Variants in ZBTB40 observed in about 807,000 individuals in gnomAD.
ZBTB40 encodes zinc finger and BTB domain-containing protein 40.
In ZBTB40, 60 loss-of-function variants were observed where a neutral mutation model predicts 117.5. The ratio of observed to expected loss-of-function variants is 0.51; its 90% CI spans 0.41 to 0.63. The LOEUF (loss-of-function observed/expected upper bound fraction) is 0.63. Ranked by LOEUF, ZBTB40 falls within the 30% of genes least tolerant of loss-of-function variation. ZBTB40 has a pLI of 0.00. For synonymous variants in ZBTB40, 525 were observed against 577.1 expected, an observed-to-expected ratio of 0.91 and a Z score of 1.29; for missense variants, 1,287 against 1,498.5, an observed-to-expected ratio of 0.86 and a Z score of 2.33.
At chr1:22,499,796 T>C (rs1350312017) in intron 3 of ZBTB40, among the ~76,000 whole-genome samples, 7 of 152,206 alleles carry the variant, frequency 4.6e-5, no homozygotes. Flanking sequence ...TAATTTCTAT[T>C]TGGGAGGAGA....
intron 3 of ZBTB40, among the ~76,000 whole-genome samples, chr1:22,500,330 A>G (rs997202691): frequency 6.6e-6 from 1 of 152,216 alleles, no homozygotes; most frequent in African/African-American, 2.4e-5. Flanking sequence ...TCTGGAGGAC[A>G]AGGTGTGTCC....
intron 1 of ZBTB40, among the ~76,000 whole-genome samples, chr1:22,455,483 A>G (rs545842022): frequency 1.3e-5 from 2 of 152,348 alleles, no homozygotes; most frequent in South Asian, 2.1e-4. Flanking sequence ...CAGAAGACAC[A>G]TTCTAACCCT....
At chr1:22,446,455 A>T (rs1569748399) in intron 1 of ZBTB40, among the ~76,000 whole-genome samples, 1 of 152,132 alleles carries the variant, frequency 6.6e-6, no homozygotes, top group East Asian at 1.9e-4. Flanking sequence ...AAGAACAAAA[A>T]CTCTACCTAA....
chr1:22,509,778 TA>T (rs1239086232), intron 9 of ZBTB40, among the ~76,000 whole-genome samples: 11 of 152,224 alleles, frequency 7.2e-5, no homozygotes, highest in African/African-American at 2.7e-4. Flanking sequence ...CCCAAAGGGT[TA>T]AGTTACCTGT....
intron 5 of ZBTB40, among the ~76,000 whole-genome samples, chr1:22,504,216 T>C (rs948398618): frequency 2.6e-5 from 4 of 152,168 alleles, no homozygotes; most frequent in African/African-American, 9.7e-5. Context: ...ACCCAGGCCT[T>C]TTCAAACTTT....
chr1:22,464,099 C>T (rs1641196145), intron 1 of ZBTB40, among the ~76,000 whole-genome samples: 1 of 152,194 alleles, frequency 6.6e-6, no homozygotes, highest in South Asian at 2.1e-4. Context: ...GCCTGTGGTG[C>T]CAGTGCTTTA....
chr1:22,523,378 A>G (rs1327783839), intron 16 of ZBTB40, among the ~76,000 whole-genome samples: 1 of 152,208 alleles, frequency 6.6e-6, no homozygotes, highest in Non-Finnish European at 1.5e-5. Flanking sequence ...ATAGATTTTT[A>G]TCATGTCACT....
At chr1:22,479,041 A>G (rs1463705348) in intron 1 of ZBTB40, among the ~76,000 whole-genome samples, 1 of 152,236 alleles carries the variant, frequency 6.6e-6, no homozygotes, top group East Asian at 1.9e-4. Flanking sequence ...GTTGGATCAT[A>G]TAGTATGTAC....
At chr1:22,445,603 A>G (rs1257724509) in intron 1 of ZBTB40, among the ~76,000 whole-genome samples, 2 of 152,230 alleles carry the variant, frequency 1.3e-5, no homozygotes, top group African/African-American at 4.8e-5. Context: ...CATGCCTGTA[A>G]TCCCAGCACT....
upstream of ZBTB40, among the ~76,000 whole-genome samples, chr1:22,449,767 T>C (rs1050226608): frequency 6.6e-6 from 1 of 152,244 alleles, no homozygotes; most frequent in Non-Finnish European, 1.5e-5. Flanking sequence ...ACTTTTCTTT[T>C]GCTCTCTTCG....
At position 22,490,379 on chromosome 1, in the gene ZBTB40, C is replaced by A. The variant is rs1398593207; in HGVS notation, c.431C>A (p.Pro144His). Residue 144 changes from proline (P) to histidine (H), a missense_variant, in exon 2 of 18, where the codon CCT becomes CAT. Physicochemically the swap from Pro to His is moderately conservative, Grantham distance 77. This residue lies in a region of ZBTB40 where 870 missense variants were observed against 934.4 expected (regional missense o/e 0.93). Coordinates refer to ENST00000375647, the MANE Select transcript of ZBTB40 (RefSeq NM_014870.4). ...ACATTCAGAAAGGAACCAGAGAAGC[C>A]TCAAGTAGAAATCCTTTCATCTGAA... ...SETFRKEPEK[P>H]QVEILSSEGA... 1 of 1,613,988 alleles carries A rather than the reference C, an allele frequency of 6.2e-7. No homozygotes were observed. The highest frequency in any genetic ancestry group is 2.2e-5 in the East Asian group (1 of 44,870).
At chr1:22,487,480 C>G (rs938361122) in intron 1 of ZBTB40, among the ~76,000 whole-genome samples, 1 of 152,172 alleles carries the variant, frequency 6.6e-6, no homozygotes, top group Admixed American at 6.5e-5. Flanking sequence ...TTCCCCTAAA[C>G]TGTCTGTTCT....
intron 3 of ZBTB40, among the ~76,000 whole-genome samples, chr1:22,495,110 C>T (rs766853730): frequency 2.0e-5 from 3 of 152,112 alleles, no homozygotes; most frequent in Non-Finnish European, 2.9e-5. Flanking sequence ...TGTGTCATTC[C>T]GTTTCTGAAA....
chr1:22,517,067 G>A (rs209721), intron 12 of ZBTB40, among the ~76,000 whole-genome samples: 5,241 of 152,164 alleles, frequency 0.034, 199 homozygotes, highest in African/African-American at 0.08. Context: ...TGAGAACTCC[G>A]TCCTTATTCC....
intron 1 of ZBTB40, among the ~76,000 whole-genome samples, chr1:22,475,593 C>G (rs1044132646): frequency 6.6e-6 from 1 of 152,180 alleles, no homozygotes; most frequent in Non-Finnish European, 1.5e-5. Flanking sequence ...CTTGAAATTA[C>G]CAGCCCTAGT....
intron 1 of ZBTB40, among the ~76,000 whole-genome samples, chr1:22,441,473 CTTT>C (rs71020419): frequency 2.7e-5 from 2 of 73,712 alleles, no homozygotes; most frequent in Non-Finnish European, 4.9e-5. Context: ...TATTTGCTTT[CTTT>C]TTTTTTTTTT....
chr1:22,486,200 T>A (rs1028616606), intron 1 of ZBTB40, among the ~76,000 whole-genome samples: 2 of 152,186 alleles, frequency 1.3e-5, no homozygotes, highest in Non-Finnish European at 2.9e-5. Flanking sequence ...GATGTGGTAG[T>A]AGGGTGCAGG....
intron 6 of ZBTB40, 91 bp downstream of exon 6, chr1:22,506,332 A>G (rs953889034): frequency 3.1e-6 from 4 of 1,277,910 alleles, no homozygotes. Flanking sequence ...CTGGGGAGAT[A>G]AGATTATGTT....
chr1:22,492,900 T>C (rs1040407889), intron 3 of ZBTB40, among the ~76,000 whole-genome samples: 10 of 152,246 alleles, frequency 6.6e-5, no homozygotes, highest in Non-Finnish European at 1.5e-4. Flanking sequence ...TTTTTGTCAT[T>C]AGTTTGTTAC....
Sources: gnomAD v4.1 joint callset for allele counts (sites outside exome capture counted in the v4.1 genomes callset) on GRCh38, gnomAD v4.1.1 for gene constraint, gnomAD v4.1.1 regional missense constraint, MANE v1.5 for transcripts, NCBI Gene and HGNC (gene_info 2026-07-23, HGNC 2026-07-21) for gene names.